KCND3: variants seen among roughly 807,000 people sequenced by gnomAD.
KCND3 encodes the protein A-type voltage-gated potassium channel KCND3.
A neutral mutation model predicts 51.1 loss-of-function variants in KCND3; 9 were observed. The ratio of observed to expected loss-of-function variants is 0.18; its 90% CI spans 0.11 to 0.31. The LOEUF (loss-of-function observed/expected upper bound fraction) is 0.31. KCND3 is among the 10% of genes least tolerant of loss of function. KCND3 has a pLI of 1.00. For synonymous variants in KCND3, 349 were observed against 368.0 expected, an observed-to-expected ratio of 0.95 and a Z score of 0.59; for missense variants, 526 against 903.8, an observed-to-expected ratio of 0.58 and a Z score of 5.36.
chr1:111,955,495 C>T (rs1673285052), intron 2 of KCND3, among the ~76,000 whole-genome samples: 1 of 152,182 alleles, frequency 6.6e-6, no homozygotes, highest in South Asian at 2.1e-4. Context: ...ATCATCCCCT[C>T]CTCTGTGCTT....
At chr1:111,821,696 C>T (rs914144319) in intron 2 of KCND3, among the ~76,000 whole-genome samples, 1 of 152,208 alleles carries the variant, frequency 6.6e-6, no homozygotes, top group Non-Finnish European at 1.5e-5. Flanking sequence ...TTAGTGTCTT[C>T]TCCTCCTCCA....
intron 2 of KCND3, among the ~76,000 whole-genome samples, chr1:111,906,289 A>G (rs973240088): frequency 5.3e-5 from 8 of 152,116 alleles, no homozygotes; most frequent in Non-Finnish European, 7.4e-5. Flanking sequence ...TGTGACTATG[A>G]ACACGCCCGA....
At chr1:111,867,146 G>A (rs1202197085) in intron 2 of KCND3, among the ~76,000 whole-genome samples, 2 of 152,116 alleles carry the variant, frequency 1.3e-5, no homozygotes, top group Non-Finnish European at 2.9e-5. Context: ...AATGTGCTTA[G>A]AACAATGCCC....
intron 2 of KCND3, among the ~76,000 whole-genome samples, chr1:111,860,249 G>T (rs990068486): frequency 6.6e-6 from 1 of 152,228 alleles, no homozygotes; most frequent in African/African-American, 2.4e-5. Flanking sequence ...AGTAGCTATT[G>T]TTAATCTCAT....
rs747480114 is a variant in KCND3 at position 111,987,868 on chromosome 1, A to C, written c.-73+1637T>G. 3.3e-5 allele frequency among the ~76,000 whole-genome samples: 5 copies of C among 152,342 alleles called. No individual in the cohort carries two copies. In the South Asian group the frequency reaches 1.0e-3, roughly 32 times the overall value. ...AAGATAGGGGGTGGGGGGAGGCTGG[A>C]AAAGAGGCATTCAAAACAGGTAAGC... is the stretch of plus-strand genomic sequence containing the variant. On this transcript the variant is annotated intron_variant, in intron 1 of 7. Coordinates refer to ENST00000302127, the MANE Select transcript of KCND3 (RefSeq NM_001378969.1).
intron 2 of KCND3, among the ~76,000 whole-genome samples, chr1:111,930,328 AG>A (rs1671906350): frequency 6.6e-6 from 1 of 152,260 alleles, no homozygotes; most frequent in Non-Finnish European, 1.5e-5. Context: ...GCTGAACTCC[AG>A]CACACCCAAA....
At chr1:111,986,139 G>C (rs558654890) in intron 1 of KCND3, among the ~76,000 whole-genome samples, 2 of 152,362 alleles carry the variant, frequency 1.3e-5, no homozygotes, top group East Asian at 1.9e-4. Context: ...AGGGATGTTT[G>C]AGAAGCAAGC....
chr1:111,847,353 AGT>A (rs139110111), intron 2 of KCND3, among the ~76,000 whole-genome samples: 10 of 151,962 alleles, frequency 6.6e-5, no homozygotes, highest in African/African-American at 2.2e-4. Context: ...AGTGTGTGTG[AGT>A]GTGTGTGTGT....
intron 2 of KCND3, among the ~76,000 whole-genome samples, chr1:111,901,108 G>A (rs1327848951): frequency 6.6e-6 from 1 of 152,212 alleles, no homozygotes; most frequent in African/African-American, 2.4e-5. Flanking sequence ...ATTATTGTTA[G>A]CTATTATCCA....
intron 6 of KCND3, 97 bp downstream of exon 6, chr1:111,778,339 C>T: frequency 1.8e-6 from 2 of 1,111,172 alleles, no homozygotes; most frequent in South Asian, 2.5e-5. Flanking sequence ...ATCAGCAGCA[C>T]ATGCACAGAA....
chr1:111,958,237 T>A (rs1016165233), intron 2 of KCND3, among the ~76,000 whole-genome samples: 2 of 152,194 alleles, frequency 1.3e-5, no homozygotes, highest in Non-Finnish European at 2.9e-5. Context: ...CCAACTCATG[T>A]AAAGAGCATC....
intron 2 of KCND3, among the ~76,000 whole-genome samples, chr1:111,859,615 T>C (rs986846443): frequency 6.6e-6 from 1 of 152,178 alleles, no homozygotes; most frequent in Admixed American, 6.5e-5. Context: ...GCAGGATGTA[T>C]AGGATACAGC....
intron 2 of KCND3, among the ~76,000 whole-genome samples, chr1:111,934,761 A>G (rs545912000): frequency 3.6e-4 from 55 of 152,298 alleles, no homozygotes; most frequent in Non-Finnish European, 6.3e-4. Flanking sequence ...CTGGGTCTGT[A>G]TCCTGGTTTG....
At chr1:111,888,825 G>A (rs933937302) in intron 2 of KCND3, among the ~76,000 whole-genome samples, 14 of 152,058 alleles carry the variant, frequency 9.2e-5, no homozygotes, top group African/African-American at 3.4e-4. Context: ...AGAGAGGCAA[G>A]CATGCATTAA....
intron 3 of KCND3, among the ~76,000 whole-genome samples, chr1:111,781,484 T>C (rs1664381368): frequency 6.6e-6 from 1 of 152,202 alleles, no homozygotes; most frequent in Non-Finnish European, 1.5e-5. Flanking sequence ...CATTTACAAT[T>C]GTATATCTGT....
rs1392458244 is a variant in KCND3, at chr1:111,775,763, CT to C, written c.*313del. 3 of 440,146 alleles carry C rather than the reference CT, an allele frequency of 6.8e-6. No individual in the cohort carries two copies. In the Admixed American group the frequency reaches 1.0e-4, roughly 15 times the overall value. The allele number at this position is 440,146 out of a possible 1,614,324, so 27.3% of individuals were successfully genotyped here. ...ACTGTTATTTGGTCTGAGTCTGAGG[CT>C]CCTCCATCCAGGCCCTGTCCTGGCA... On this transcript the variant is annotated 3_prime_UTR_variant, in exon 8 of 8. Transcript: ENST00000302127.
intron 2 of KCND3, among the ~76,000 whole-genome samples, chr1:111,855,616 T>C (rs150419925): frequency 1.5e-4 from 23 of 152,272 alleles, no homozygotes; most frequent in African/African-American, 5.5e-4. Flanking sequence ...CCTTGGGGCA[T>C]AGGTCAGAGT....
At chr1:111,797,421 T>A (rs534040126) in intron 2 of KCND3, among the ~76,000 whole-genome samples, 2 of 152,196 alleles carry the variant, frequency 1.3e-5, no homozygotes, top group East Asian at 1.9e-4. Context: ...GGCCAGTACT[T>A]TCCCCCCCAT....
At chr1:111,866,549 G>A (rs1668580078) in intron 2 of KCND3, among the ~76,000 whole-genome samples, 1 of 150,160 alleles carries the variant, frequency 6.7e-6, no homozygotes, top group South Asian at 2.1e-4. Flanking sequence ...ATAGGCATGA[G>A]CCACTGTGCC....
Sources: gnomAD v4.1 joint callset for allele counts (sites outside exome capture counted in the v4.1 genomes callset) on GRCh38, gnomAD v4.1.1 for gene constraint, MANE v1.5 for transcripts, NCBI Gene and HGNC (gene_info 2026-07-23, HGNC 2026-07-21) for gene names.